The following NELL1 variants were observed in gnomAD, a reference collection of about 807,000 sequenced individuals.
The protein encoded by NELL1 is protein kinase C-binding protein NELL1.
NELL1 carries 76 observed loss-of-function variants against 107.4 expected under a neutral mutation model. The ratio of observed to expected loss-of-function variants is 0.71; its 90% confidence interval spans 0.59 to 0.86. The LOEUF (loss-of-function observed/expected upper bound fraction) is 0.86. Ranked by LOEUF, NELL1 falls within the 40% of genes least tolerant of loss-of-function variation. The pLI is 0.00. For synonymous variants in NELL1, 353 were observed against 341.2 expected, an observed-to-expected ratio of 1.03 and a Z score of -0.38; for missense variants, 1,024 against 1,005.5, an observed-to-expected ratio of 1.02 and a Z score of -0.25.
chr11:21,301,756 C>A (rs534279830), intron 14 of NELL1, among the ~76,000 whole-genome samples: 2 of 151,924 alleles, frequency 1.3e-5, no homozygotes, highest in Non-Finnish European at 2.9e-5. Flanking sequence ...TTAATTAGAT[C>A]CCATTTGTCA....
intron 2 of NELL1, among the ~76,000 whole-genome samples, chr11:20,698,924 A>G (rs1021021419): frequency 1.3e-5 from 2 of 152,222 alleles, no homozygotes; most frequent in Non-Finnish European, 2.9e-5. Context: ...CATTTAGAAT[A>G]ACGGTCTCCA....
chr11:21,234,428 T>C (rs573889069), intron 14 of NELL1, among the ~76,000 whole-genome samples: 18 of 152,268 alleles, frequency 1.2e-4, no homozygotes, highest in Non-Finnish European at 2.5e-4. Flanking sequence ...CCCACCAACT[T>C]TGGGGTTTCT....
chr11:21,436,399 T>C (rs1209708274), intron 15 of NELL1, among the ~76,000 whole-genome samples: 1 of 152,120 alleles, frequency 6.6e-6, no homozygotes, highest in East Asian at 1.9e-4. Flanking sequence ...GGAATATATA[T>C]ATTCCCCATA....
chr11:21,535,752 T>C (rs1341026822), intron 16 of NELL1, among the ~76,000 whole-genome samples: 1 of 152,222 alleles, frequency 6.6e-6, no homozygotes, highest in East Asian at 1.9e-4. Flanking sequence ...AGTGTTGTGA[T>C]AATTGAGTTA....
intron 14 of NELL1, among the ~76,000 whole-genome samples, chr11:21,278,444 T>A (rs1410098621): frequency 6.6e-6 from 1 of 152,172 alleles, no homozygotes; most frequent in African/African-American, 2.4e-5. Flanking sequence ...TATAGCATAG[T>A]GGCAGAATAT....
chr11:21,045,484 A>T (rs1269915032), intron 12 of NELL1, among the ~76,000 whole-genome samples: 1 of 152,170 alleles, frequency 6.6e-6, no homozygotes, highest in African/African-American at 2.4e-5. Context: ...ATGTTCAAAT[A>T]CACTTGGTAA....
At chr11:21,286,045 T>C (rs896897286) in intron 14 of NELL1, among the ~76,000 whole-genome samples, 2 of 152,322 alleles carry the variant, frequency 1.3e-5, no homozygotes, top group Middle Eastern at 3.4e-3. Context: ...TGGAAATGTG[T>C]GTCTCGCCTA....
chr11:20,865,927 A>G (rs1184975722), intron 4 of NELL1, among the ~76,000 whole-genome samples: 1 of 151,840 alleles, frequency 6.6e-6, no homozygotes, highest in Non-Finnish European at 1.5e-5. Flanking sequence ...ACCCTGGCTC[A>G]CTCTCTGGCT....
chr11:21,569,232 A>G (rs1257616039), intron 17 of NELL1, among the ~76,000 whole-genome samples: 1 of 151,914 alleles, frequency 6.6e-6, no homozygotes, highest in African/African-American at 2.4e-5. Flanking sequence ...AGCCTGCATT[A>G]AAGAAACTAC....
chr11:20,728,761 T>G (rs1321027467), intron 2 of NELL1, among the ~76,000 whole-genome samples: 2 of 152,182 alleles, frequency 1.3e-5, no homozygotes, highest in Admixed American at 1.3e-4. Context: ...CTTTGTTCTT[T>G]TTGCTTAGGA....
At chr11:20,698,184 A>G (rs1254634667) in intron 2 of NELL1, among the ~76,000 whole-genome samples, 1 of 152,184 alleles carries the variant, frequency 6.6e-6, no homozygotes, top group African/African-American at 2.4e-5. Context: ...GCTCTTGCCA[A>G]ATAAAAGCTC....
At chr11:21,361,047 C>T (rs2133737471) in intron 14 of NELL1, among the ~76,000 whole-genome samples, 1 of 152,150 alleles carries the variant, frequency 6.6e-6, no homozygotes, top group Non-Finnish European at 1.5e-5. Flanking sequence ...CTGTGTTATT[C>T]TTTTACAAGT....
intron 2 of NELL1, among the ~76,000 whole-genome samples, chr11:20,711,755 A>C (rs1792992): frequency 0.17 from 25,117 of 152,022 alleles, 2,437 homozygotes; most frequent in African/African-American, 0.24. Context: ...ATCAGCTGTT[A>C]ATCTGATAGG....
chr11:21,254,414 A>G (rs551050045), intron 14 of NELL1, among the ~76,000 whole-genome samples: 3 of 152,272 alleles, frequency 2.0e-5, no homozygotes, highest in Admixed American at 6.5e-5. Context: ...TTCAATGCCC[A>G]GCAAACAAAG....
In NELL1 at chr11:20,669,886, CG is replaced by C; in HGVS notation, c.55+110del. 1 of 914,402 alleles carries C rather than the reference CG, an allele frequency of 1.1e-6. No homozygotes were observed. Among genetic ancestry groups the C allele is most frequent in the Non-Finnish European group, 1.8e-6 (1 of 555,588 alleles). The allele number at this position is 914,402 out of a possible 1,614,324, so 56.6% of individuals were successfully genotyped here. A position where few individuals can be genotyped will look rare whatever the true frequency, so the allele number is the denominator to read the frequency against. On this transcript the variant is annotated intron_variant, in intron 1 of 19. Transcript: ENST00000357134. The surrounding 1 kb of genome is among the most constrained non-coding windows in gnomAD (Gnocchi z 4.4). The stretch of plus-strand genomic sequence containing the variant: ...AGCTTTGCGCTGGTCTGGGGAACGG[CG>C]GTAGCGTGGACCGGTTCCTGGGATC...
intron 15 of NELL1, among the ~76,000 whole-genome samples, chr11:21,510,697 A>G (rs945860442): frequency 3.3e-5 from 5 of 152,088 alleles, no homozygotes; most frequent in African/African-American, 1.2e-4. Flanking sequence ...TTTGAACTCT[A>G]TTAAGAGTTC....
At chr11:21,156,366 C>G (rs928958767) in intron 13 of NELL1, among the ~76,000 whole-genome samples, 10 of 152,148 alleles carry the variant, frequency 6.6e-5, no homozygotes, top group African/African-American at 2.2e-4. Flanking sequence ...AGGTTAACAA[C>G]AGAACTGGGC....
chr11:21,063,008 G>A (rs929487200), intron 12 of NELL1, among the ~76,000 whole-genome samples: 1 of 151,570 alleles, frequency 6.6e-6, no homozygotes, highest in African/African-American at 2.4e-5. Context: ...GTGTGTGTGT[G>A]TATGTGTATA....
At chr11:21,040,450 T>G (rs1481985145) in intron 12 of NELL1, among the ~76,000 whole-genome samples, 1 of 152,180 alleles carries the variant, frequency 6.6e-6, no homozygotes, top group East Asian at 1.9e-4. Context: ...ATCAAAGCCT[T>G]GTATCTCTCT....
Sources: gnomAD v4.1 joint callset for allele counts (sites outside exome capture counted in the v4.1 genomes callset) on GRCh38, gnomAD v4.1.1 for gene constraint, Gnocchi (gnomAD v3.1) non-coding constraint, MANE v1.5 for transcripts, NCBI Gene and HGNC (gene_info 2026-07-23, HGNC 2026-07-21) for gene names.